RGS6: variants seen among roughly 807,000 people sequenced by gnomAD.
RGS6 encodes the protein regulator of G protein signaling 6, also known as regulator of G-protein signaling 6.
In RGS6, 30 loss-of-function variants were observed where a neutral mutation model predicts 78.5. That is an observed-to-expected ratio of 0.38 (90% confidence interval 0.29 to 0.52). The LOEUF is 0.52. RGS6 is among the 20% of genes least tolerant of loss of function. The pLI is 0.85. For synonymous variants in RGS6, 206 were observed against 206.0 expected (o/e 1.00, Z 0.00); for missense variants, 495 against 609.7 (o/e 0.81, Z 1.98).
intron 2 of RGS6, among the ~76,000 whole-genome samples, chr14:72,164,336 C>T (rs570118014): frequency 2.8e-4 from 42 of 152,318 alleles, no homozygotes; most frequent in African/African-American, 7.9e-4. Flanking sequence ...GCTTGTTTCA[C>T]TTACCCTGTG....
the RGS6 span, among the ~76,000 whole-genome samples, chr14:71,923,839 G>A: frequency 6.6e-6 from 1 of 152,004 alleles, no homozygotes; most frequent in South Asian, 2.1e-4. Flanking sequence ...AGGGGGGTGG[G>A]GCATTAAAAT....
chr14:72,471,671 C>A (rs898503945), intron 8 of RGS6, among the ~76,000 whole-genome samples: 11 of 152,322 alleles, frequency 7.2e-5, no homozygotes, highest in African/African-American at 2.4e-4. Flanking sequence ...AACCTCCCCC[C>A]ACAGTCTCTG....
chr14:72,481,910 A>T (rs1598163345), intron 12 of RGS6, among the ~76,000 whole-genome samples: 1 of 146,464 alleles, frequency 6.8e-6, no homozygotes. Context: ...CCGGGTTCAC[A>T]CCATTCTCCT....
chr14:72,623,317 TA>T, the RGS6 span, among the ~76,000 whole-genome samples: 3 of 151,752 alleles, frequency 2.0e-5, no homozygotes, highest in African/African-American at 7.3e-5. Flanking sequence ...AATATGTCCC[TA>T]AAAAAAACAA....
intron 3 of RGS6, among the ~76,000 whole-genome samples, chr14:72,411,162 G>A (rs973905591): frequency 1.3e-5 from 2 of 152,132 alleles, no homozygotes; most frequent in Non-Finnish European, 2.9e-5. Context: ...ACCTTGGGCG[G>A]TATGGCCATT....
At chr14:71,925,122 G>A in the RGS6 span, among the ~76,000 whole-genome samples, 1 of 152,082 alleles carries the variant, frequency 6.6e-6, no homozygotes, top group Non-Finnish European at 1.5e-5. Flanking sequence ...TAGGCAGGAG[G>A]TGACACTCAT....
chr14:72,093,432 A>G (rs2095328565), intron 2 of RGS6, among the ~76,000 whole-genome samples: 1 of 152,058 alleles, frequency 6.6e-6, no homozygotes, highest in South Asian at 2.1e-4. Context: ...TTTTCTACAT[A>G]TGAGGTTTCA....
chr14:72,413,905 C>T (rs1442228334), intron 3 of RGS6, among the ~76,000 whole-genome samples: 2 of 152,244 alleles, frequency 1.3e-5, no homozygotes, highest in African/African-American at 4.8e-5. Flanking sequence ...TCCCCACTCT[C>T]TTCTGGCTTG....
intron 3 of RGS6, among the ~76,000 whole-genome samples, chr14:72,360,046 T>C (rs1401598337): frequency 6.6e-6 from 1 of 152,120 alleles, no homozygotes; most frequent in African/African-American, 2.4e-5. Flanking sequence ...AGATTTTTAA[T>C]TTAATAAAAA....
chr14:72,496,722 G>A (rs553340928), intron 13 of RGS6, among the ~76,000 whole-genome samples: 1 of 152,206 alleles, frequency 6.6e-6, no homozygotes, highest in South Asian at 2.1e-4. Flanking sequence ...TTACTGAGAC[G>A]CTAAGGGTAC....
chr14:71,877,734 G>A, the RGS6 span, among the ~76,000 whole-genome samples: 1 of 152,208 alleles, frequency 6.6e-6, no homozygotes, highest in African/African-American at 2.4e-5. Context: ...GCAAGAAGCT[G>A]CATTCCTTTG....
At chr14:72,301,904 T>A (rs1057072695) in intron 2 of RGS6, among the ~76,000 whole-genome samples, 3 of 152,186 alleles carry the variant, frequency 2.0e-5, no homozygotes, top group African/African-American at 7.2e-5. Context: ...CTACTTCAAA[T>A]AAGGTCACAT....
chr14:72,428,139 G>A (rs1394447108), intron 3 of RGS6, among the ~76,000 whole-genome samples: 2 of 152,276 alleles, frequency 1.3e-5, no homozygotes, highest in Admixed American at 6.5e-5. Context: ...ATGTGTGTGT[G>A]GAAGTGGGAA....
Position 71,971,711 on chromosome 14 carries a change from C to T in RGS6, c.84+6836C>T, listed in dbSNP as rs116864004. 1.1e-4 allele frequency among the ~76,000 whole-genome samples: 17 copies of T among 152,226 alleles called. No homozygotes were observed. In the East Asian group the frequency reaches 2.5e-3, roughly 22 times the overall value. ...AAAGGCTGTGATCAAGATGTTGACTCGGATTATGGTTTCGTCTGAAGTCTC... is the reference window on the plus strand; with the variant it reads ...AAAGGCTGTGATCAAGATGTTGACTTGGATTATGGTTTCGTCTGAAGTCTC... On this transcript the variant is annotated intron_variant, in intron 2 of 17. Transcript: ENST00000553525.
chr14:72,404,037 C>G (rs2092702132), intron 3 of RGS6, among the ~76,000 whole-genome samples: 1 of 152,150 alleles, frequency 6.6e-6, no homozygotes, highest in East Asian at 1.9e-4. Context: ...TGGAGAAACA[C>G]CGGCCATACA....
chr14:72,315,308 T>TTAGACTGTTA (rs2069823890), intron 2 of RGS6, among the ~76,000 whole-genome samples: 1 of 152,332 alleles, frequency 6.6e-6, no homozygotes, highest in African/African-American at 2.4e-5. Context: ...TAGAGATACT[T>TTAGACTGTTA]GAAATAACGT....
At chr14:72,017,432 T>C (rs2087276319) in intron 2 of RGS6, among the ~76,000 whole-genome samples, 1 of 152,230 alleles carries the variant, frequency 6.6e-6, no homozygotes, top group South Asian at 2.1e-4. Flanking sequence ...TTTTCTTGTC[T>C]TGATGTACTG....
chr14:72,111,210 T>C (rs2095754255), intron 2 of RGS6, among the ~76,000 whole-genome samples: 1 of 152,208 alleles, frequency 6.6e-6, no homozygotes, highest in Admixed American at 6.5e-5. Context: ...ACAGTTACTG[T>C]AAAAAGAAAT....
In RGS6 at chr14:72,208,645, T is replaced by C. The variant is rs1474266137; in HGVS notation, c.85-143450T>C. Among the ~76,000 whole-genome samples, 6 of 152,176 alleles carry C rather than the reference T, an allele frequency of 3.9e-5. No individual in the cohort carries two copies. In the East Asian group the frequency reaches 1.2e-3, roughly 29 times the overall value. On this transcript the variant is annotated intron_variant, in intron 2 of 17. Transcript: ENST00000553525. ...TGACTATATTAGATGCAAGTATTTGTTGAATGAAAAAATGTCTCAGAGGCT... is the reference window on the plus strand; with the variant it reads ...TGACTATATTAGATGCAAGTATTTGCTGAATGAAAAAATGTCTCAGAGGCT...
Sources: gnomAD v4.1 joint callset for allele counts (sites outside exome capture counted in the v4.1 genomes callset) on GRCh38, gnomAD v4.1.1 for gene constraint, MANE v1.5 for transcripts, NCBI Gene and HGNC (gene_info 2026-07-23, HGNC 2026-07-21) for gene names.